SSBP3: variants seen among roughly 807,000 people sequenced by gnomAD.
SSBP3 encodes single-stranded DNA-binding protein 3.
A neutral mutation model predicts 69.6 loss-of-function variants in SSBP3; 5 were observed. The ratio of observed to expected loss-of-function variants is 0.07; its 90% CI spans 0.04 to 0.15. The LOEUF (loss-of-function observed/expected upper bound fraction) is 0.15, where lower values mean the gene tolerates loss of function less well. Ranked by LOEUF, SSBP3 falls within the 10% of genes least tolerant of loss-of-function variation. The pLI, the probability that SSBP3 is intolerant of heterozygous loss-of-function variation, is 1.00. For missense variants in SSBP3, 312 were observed against 534.0 expected, an observed-to-expected ratio of 0.58 and a Z score of 4.10; for synonymous variants, 196 against 193.4, an observed-to-expected ratio of 1.01 and a Z score of -0.11.
intron 3 of SSBP3, among the ~76,000 whole-genome samples, chr1:54,404,284 T>C (rs1418351145): frequency 6.6e-6 from 1 of 152,160 alleles, no homozygotes; most frequent in Non-Finnish European, 1.5e-5. Context: ...AATCCTCCAA[T>C]GTTTTTTCAA....
intron 4 of SSBP3, among the ~76,000 whole-genome samples, chr1:54,369,218 C>CGGGGGGG (rs11433392): frequency 1.6e-5 from 2 of 124,674 alleles, no homozygotes; most frequent in African/African-American, 6.7e-5. Flanking sequence ...CCTCTTGAGT[C>CGGGGGGG]GGGGGGGGGG....
intron 14 of SSBP3, among the ~76,000 whole-genome samples, chr1:54,232,327 T>G (rs1364457328): frequency 6.6e-6 from 1 of 152,184 alleles, no homozygotes; most frequent in Non-Finnish European, 1.5e-5. Context: ...GATGAGGTCT[T>G]GCTCTGTCAC....
Position 54,386,236 on chromosome 1 carries a change from C to T in SSBP3, c.276+15625G>A, listed in dbSNP as rs567319418. Among the ~76,000 whole-genome samples the T allele has an allele frequency of 3.9e-5, 6 of 152,342 alleles. No homozygotes were observed. The East Asian group carries it at 1.2e-3, about 29-fold the overall frequency. ...TACAGCTTCAACCCCTCGCTCCCCA[C>T]AGAAGGAGGGGTTTCCTTTGTGCAA... On this transcript the variant is annotated intron_variant, in intron 4 of 17. Coordinates refer to ENST00000610401, the Ensembl canonical transcript of SSBP3.
intron 9 of SSBP3, among the ~76,000 whole-genome samples, chr1:54,250,829 TGA>T (rs754678378): frequency 1.8e-4 from 28 of 152,124 alleles, no homozygotes; most frequent in Non-Finnish European, 3.8e-4. Flanking sequence ...GGGTAAGCAG[TGA>T]GATGGTTCCA....
At chr1:54,233,332 A>T (rs1438812341) in intron 14 of SSBP3, among the ~76,000 whole-genome samples, 1 of 127,064 alleles carries the variant, frequency 7.9e-6, no homozygotes, top group Non-Finnish European at 1.7e-5. Flanking sequence ...GGAGGTGAGG[A>T]GCGTCTCTGC....
At chr1:54,346,843 A>G (rs558391601) in intron 4 of SSBP3, among the ~76,000 whole-genome samples, 2 of 151,960 alleles carry the variant, frequency 1.3e-5, no homozygotes, top group South Asian at 4.2e-4. Context: ...ATAGAAATAC[A>G]GTCTCCTATG....
chr1:54,371,878 C>A (rs1647141229), intron 4 of SSBP3, among the ~76,000 whole-genome samples: 1 of 152,116 alleles, frequency 6.6e-6, no homozygotes, highest in African/African-American at 2.4e-5. Context: ...GGTACAGGAA[C>A]CGAGGGAAGG....
chr1:54,378,547 C>G (rs1364181014), intron 4 of SSBP3, among the ~76,000 whole-genome samples: 1 of 152,216 alleles, frequency 6.6e-6, no homozygotes, highest in Non-Finnish European at 1.5e-5. Flanking sequence ...AGCAACACCC[C>G]CTCCAAAGCT....
At chr1:54,303,832 T>G in intron 4 of SSBP3, among the ~76,000 whole-genome samples, 1 of 152,242 alleles carries the variant, frequency 6.6e-6, no homozygotes, top group East Asian at 1.9e-4. Flanking sequence ...CTTACAGTGC[T>G]ATTTTGAATA....
At chr1:54,316,509 C>T (rs1488990414) in intron 4 of SSBP3, among the ~76,000 whole-genome samples, 3 of 145,042 alleles carry the variant, frequency 2.1e-5, no homozygotes, top group South Asian at 2.2e-4. Flanking sequence ...GGCGCGGTGG[C>T]GGGCGCCTGT....
At chr1:54,272,586 A>C (rs1167915582) in intron 5 of SSBP3, among the ~76,000 whole-genome samples, 1 of 151,816 alleles carries the variant, frequency 6.6e-6, no homozygotes, top group Non-Finnish European at 1.5e-5. Context: ...CTATGAAGAG[A>C]CAAAACAAAA....
At position 54,401,851 on chromosome 1, in the gene SSBP3, T is replaced by C. The variant is rs747774331; in HGVS notation, c.276+10A>G. The C allele has an allele frequency of 3.7e-6, 6 of 1,609,336 alleles. No homozygotes were observed. The highest frequency in any genetic ancestry group is 1.7e-4 in the Middle Eastern group (1 of 6,022). ...ATAATTATTGCTAGGATTAAAAATA[T>C]GTTACTCACATAATCATGAAAGGCT... On this transcript the variant is annotated intron_variant, in intron 4 of 17. Coordinates refer to ENST00000610401, the Ensembl canonical transcript of SSBP3.
intron 4 of SSBP3, among the ~76,000 whole-genome samples, chr1:54,357,961 C>T (rs548760085): frequency 7.2e-5 from 11 of 152,328 alleles, no homozygotes; most frequent in African/African-American, 2.4e-4. Context: ...ACTATACCAT[C>T]CAGGCATGAG....
intron 4 of SSBP3, among the ~76,000 whole-genome samples, chr1:54,305,490 G>A (rs1645882507): frequency 6.6e-6 from 1 of 152,124 alleles, no homozygotes; most frequent in Non-Finnish European, 1.5e-5. Flanking sequence ...CAGAGCCAGG[G>A]AACATTTTCA....
chr1:54,263,935 A>G (rs956327863), intron 5 of SSBP3, among the ~76,000 whole-genome samples: 3 of 152,248 alleles, frequency 2.0e-5, no homozygotes, highest in African/African-American at 7.2e-5. Context: ...CTTCTGAGCT[A>G]AAGATTCTTG....
rs1645203639 is a variant in SSBP3, at chr1:54,272,111, G to A, written c.366+9327C>T. Among the ~76,000 whole-genome samples, 3 of 152,324 alleles carry A rather than the reference G, an allele frequency of 2.0e-5. No homozygotes were observed. The South Asian group carries it at 6.2e-4, about 32-fold the overall frequency. On this transcript the variant is annotated intron_variant, in intron 5 of 17. Transcript: ENST00000610401. Reference sequence around the variant, plus strand: ...GAGAGAAAAGTTTACAGGATCACAGGTGGGCCTGGCCTAGGAGCTTCATGG... The same window carrying A: ...GAGAGAAAAGTTTACAGGATCACAGATGGGCCTGGCCTAGGAGCTTCATGG...
At position 54,406,264 on chromosome 1, in the gene SSBP3, G is replaced by C. The variant is rs1649763731; in HGVS notation, c.-256C>G. The stretch of plus-strand genomic sequence containing the variant: ...ACTCCTTCCGCGCCGGCTCGGCCTG[G>C]GGGTGCCGCCGCCGCCGCCCGCACG... On this transcript the variant is annotated 5_prime_UTR_variant, in exon 1 of 18. Coordinates refer to ENST00000610401, the Ensembl canonical transcript of SSBP3. 3.2e-5 allele frequency: 11 copies of C among 338,874 alleles called. No homozygotes were observed. The East Asian group carries it at 4.5e-4, about 14-fold the overall frequency. The allele number at this position is 338,874 out of a possible 1,614,324, so 21.0% of individuals were successfully genotyped here.
chr1:54,269,779 C>G (rs1645162292), intron 5 of SSBP3, among the ~76,000 whole-genome samples: 1 of 152,236 alleles, frequency 6.6e-6, no homozygotes, highest in Admixed American at 6.5e-5. Flanking sequence ...TGTGGAACAA[C>G]AGCTGGTCCA....
exon 1 of SSBP3, chr1:54,406,289 G>A (rs1204827816): frequency 7.2e-6 from 2 of 276,900 alleles, no homozygotes; most frequent in Non-Finnish European, 1.3e-5. Flanking sequence ...CCGCCCGCAC[G>A]GCCGCCCGCT....
Sources: allele counts gnomAD v4.1 joint callset (sites outside exome capture counted in the v4.1 genomes callset), GRCh38; gene constraint gnomAD v4.1.1; transcripts MANE v1.5; gene names NCBI Gene and HGNC (gene_info 2026-07-23, HGNC 2026-07-21).